Variants in F8 observed in about 807,000 individuals in gnomAD.
F8 encodes the protein coagulation factor VIII, also known as antihemophilic factor.
F8 carries 12 observed loss-of-function variants against 140.6 expected under a neutral mutation model. The observed-to-expected ratio is 0.09, with a 90% CI of 0.05 to 0.14. F8 has a LOEUF of 0.14. F8 is among the 10% of genes least tolerant of loss of function. The probability of loss-of-function intolerance (pLI) is 1.00; values close to 1 mark genes in which losing one functional copy is unlikely to be tolerated. For missense variants in F8, 1,354 were observed against 1,720.7 expected (o/e 0.79, Z 3.77); for synonymous variants, 585 against 614.6 (o/e 0.95, Z 0.71).
rs1557276172 is a variant in F8 at position 154,904,504 on chromosome X, G to T, written c.5607C>A (p.Gly1869=). 3 of 1,208,801 alleles carry T rather than the reference G, an allele frequency of 2.5e-6. No homozygotes were observed. The South Asian group carries it at 5.3e-5, about 21-fold the overall frequency. The stretch of plus-strand genomic sequence containing the variant: ...GGCAGACCAGAAGGGGTCCAATCAG[G>T]CCTGAGTGCACATCTTTTTCCTAGG... The part of the protein sequence containing the change: ...DVDLEKDVHS[G]LIGPLLVCHT... Residue 1869 remains glycine, a synonymous_variant, in exon 17 of 26, where the codon GGC becomes GGA. Transcript: ENST00000360256.
chrX:154,847,209 C>G (rs1557271810), intron 25 of F8, among the ~76,000 whole-genome samples: 1 of 111,825 alleles, frequency 8.9e-6, no homozygotes, highest in Non-Finnish European at 1.9e-5. Flanking sequence ...GTCTGGCTGC[C>G]CTTAACATTT....
At position 154,837,656 on chromosome X, in the gene F8, C is replaced by A; in HGVS notation, c.6997G>T (p.Val2333Leu). 2.5e-6 allele frequency: 3 copies of A among 1,210,808 alleles called. No individual in the cohort carries two copies. Among genetic ancestry groups the A allele is most frequent in the Non-Finnish European group, 3.4e-6 (3 of 895,078 alleles). ...TCCATCCTCAGGGCAATCTGGTGCACCCAACTCTGGGGGTGAATTCGAAGG... is the reference window on the plus strand; with the variant it reads ...TCCATCCTCAGGGCAATCTGGTGCAACCAACTCTGGGGGTGAATTCGAAGG... ...RYLRIHPQSW[V>L]HQIALRMEVL... Residue 2333 changes from valine (V) to leucine (L), a missense_variant, in exon 26 of 26, where the codon GTG becomes TTG. Around this residue, in one of 4 missense-constraint regions of F8, gnomAD observed 316 missense variants for 485.4 expected, o/e 0.65. Transcript: ENST00000360256.
intron 22 of F8, among the ~76,000 whole-genome samples, chrX:154,864,374 TCACTCCAATG>T (rs1398657964): frequency 8.9e-6 from 1 of 112,444 alleles, no homozygotes; most frequent in African/African-American, 3.2e-5. Flanking sequence ...AGGTGTCAGC[TCACTCCAATG>T]CACAGATACC....
chrX:154,845,098 T>G (rs1217829457), intron 25 of F8, among the ~76,000 whole-genome samples: 2 of 112,123 alleles, frequency 1.8e-5, no homozygotes, highest in Non-Finnish European at 3.8e-5. Context: ...TTACGTTTAT[T>G]GATTTTCGTA....
At chrX:154,965,858 T>C (rs2073420295) in intron 9 of F8, 112 bp downstream of exon 9, 1 of 729,674 alleles carries the variant, frequency 1.4e-6, no homozygotes, top group African/African-American at 2.1e-5. Context: ...ATTTATAGCT[T>C]TTAAAAGATC....
In F8 at chrX:154,976,552, C is replaced by A. The variant is rs782346367; in HGVS notation, c.788-7000G>T. On this transcript the variant is annotated intron_variant, in intron 6 of 25. Transcript: ENST00000360256. ...ACTCGTCATCTAGCATTAGGTATATCTCCTAATGCTATCCCTCCCCCTTCC... is the reference window on the plus strand; with the variant it reads ...ACTCGTCATCTAGCATTAGGTATATATCCTAATGCTATCCCTCCCCCTTCC... Among the ~76,000 whole-genome samples, 4 of 110,121 alleles carry A rather than the reference C, an allele frequency of 3.6e-5. No individual in the cohort carries two copies. In the East Asian group the frequency reaches 1.1e-3, roughly 31 times the overall value.
intron 22 of F8, among the ~76,000 whole-genome samples, chrX:154,879,996 A>T (rs1557274318): frequency 8.9e-6 from 1 of 111,832 alleles, no homozygotes; most frequent in Non-Finnish European, 1.9e-5. Context: ...TTCTTCATAA[A>T]TTACCAAGTC....
At chrX:154,978,902 A>T (rs1253519041) in intron 6 of F8, among the ~76,000 whole-genome samples, 2 of 111,371 alleles carry the variant, frequency 1.8e-5, no homozygotes, top group African/African-American at 6.6e-5. Flanking sequence ...TGTGGTTATT[A>T]GTGGAGGCTG....
intron 6 of F8, among the ~76,000 whole-genome samples, chrX:154,973,595 G>A (rs2073469760): frequency 9.0e-6 from 1 of 111,636 alleles, no homozygotes; most frequent in African/African-American, 3.3e-5. Context: ...TGTAGCTATT[G>A]TAAACGTGAT....
At chrX:154,933,536 T>C (rs1399122717) in intron 13 of F8, among the ~76,000 whole-genome samples, 1 of 112,333 alleles carries the variant, frequency 8.9e-6, no homozygotes, top group Non-Finnish European at 1.9e-5. Context: ...ATCCATTAAG[T>C]AGACAGAGAG....
chrX:154,849,062 C>T (rs1473468163), intron 25 of F8, among the ~76,000 whole-genome samples: 2 of 111,350 alleles, frequency 1.8e-5, no homozygotes, highest in Admixed American at 1.9e-4. Context: ...AAAATCTAGC[C>T]TCCCGAGTTC....
At chrX:154,958,896 G>A (rs782558898) in intron 10 of F8, among the ~76,000 whole-genome samples, 108 of 111,755 alleles carry the variant, frequency 9.7e-4, no homozygotes, top group South Asian at 1.9e-3. Flanking sequence ...GATTACAGGC[G>A]TGAGCCACCG....
At chrX:154,943,471 G>C (rs1341657998) in intron 13 of F8, among the ~76,000 whole-genome samples, 2 of 111,515 alleles carry the variant, frequency 1.8e-5, no homozygotes, top group Non-Finnish European at 3.8e-5. Context: ...CGGATGTGAA[G>C]GACCTCTTCA....
At chrX:154,911,201 C>T (rs2073065618) in intron 14 of F8, among the ~76,000 whole-genome samples, 1 of 108,660 alleles carries the variant, frequency 9.2e-6, no homozygotes, top group African/African-American at 3.4e-5. Context: ...GCCCACTTTT[C>T]TTTCCTGTGC....
At chrX:154,953,320 C>G (rs1180969882) in intron 12 of F8, among the ~76,000 whole-genome samples, 1 of 111,751 alleles carries the variant, frequency 8.9e-6, no homozygotes, top group Admixed American at 9.5e-5. Flanking sequence ...CCCAACAATA[C>G]TGGTATCTTT....
At chrX:154,864,754 A>C (rs1403862156) in intron 22 of F8, among the ~76,000 whole-genome samples, 1 of 112,148 alleles carries the variant, frequency 8.9e-6, no homozygotes, top group Non-Finnish European at 1.9e-5. Context: ...CAGAAGAAAG[A>C]ATTTGTAAAC....
Position 154,930,710 on chromosome X carries a change from G to T in F8, c.3080C>A (p.Ala1027Glu), listed in dbSNP as rs782549880. The change falls in exon 14 of 26, where the codon GCA becomes GAA. Residue 1027 changes from alanine to glutamate, a missense_variant. By Grantham distance (107) the Ala-to-Glu change is moderately radical. This residue lies in a region of F8 where 658 missense variants were observed against 666.5 expected (regional missense o/e 0.99). Transcript: ENST00000360256. ...LKTNKTSNNSATNRKTHIDGP... is the reference protein window; with the variant it reads ...LKTNKTSNNSETNRKTHIDGP... ...ATCAATGTGAGTCTTTCTATTAGTTGCTGAATTATTGGAAGTTTTGTTTGT... is the reference window on the plus strand; with the variant it reads ...ATCAATGTGAGTCTTTCTATTAGTTTCTGAATTATTGGAAGTTTTGTTTGT... The T allele has an allele frequency of 1.7e-6, 2 of 1,208,523 alleles. No homozygotes were observed. Among genetic ancestry groups the T allele is most frequent in the South Asian group, 3.5e-5 (2 of 56,493 alleles).
chrX:154,906,397 T>C, intron 15 of F8, 23 bp downstream of exon 15: 12 of 1,180,776 alleles, frequency 1.0e-5, no homozygotes, highest in Non-Finnish European at 1.4e-5. Flanking sequence ...AATTTTCTTG[T>C]AATTCCACTG....
Position 154,837,261 on chromosome X carries a change from C to G in F8, c.*336G>C. ...TTCAAAGTTTCATCACATAGTTTTT[C>G]TACAACAGAGGAAGTGGTGACTCTG... On this transcript the variant is annotated 3_prime_UTR_variant, in exon 26 of 26. Transcript: ENST00000360256. 1 of 274,095 alleles carries G rather than the reference C, an allele frequency of 3.6e-6. No homozygotes were observed. Among genetic ancestry groups the G allele is most frequent in the Non-Finnish European group, 6.5e-6 (1 of 152,906 alleles). 22.6% of individuals were successfully genotyped at this position (274,095 alleles called of 1,213,427 possible). A position where few individuals can be genotyped will look rare whatever the true frequency, so the allele number is the denominator to read the frequency against.
Sources: gnomAD v4.1 joint callset for allele counts (sites outside exome capture counted in the v4.1 genomes callset) on GRCh38, gnomAD v4.1.1 for gene constraint, gnomAD v4.1.1 regional missense constraint, MANE v1.5 for transcripts, NCBI Gene and HGNC (gene_info 2026-07-23, HGNC 2026-07-21) for gene names.